Variants in SPTLC3 observed in about 807,000 individuals in gnomAD.
The protein encoded by SPTLC3 is serine palmitoyltransferase long chain base subunit 3.
In SPTLC3, 36 loss-of-function variants were observed where a neutral mutation model predicts 59.3. The observed-to-expected ratio is 0.61, with a 90% confidence interval of 0.47 to 0.80. The LOEUF is 0.80. Among genes scored for constraint, SPTLC3 ranks in the 30% least tolerant of loss-of-function variants. The probability of loss-of-function intolerance (pLI) is 0.00; values close to 1 mark genes in which losing one functional copy is unlikely to be tolerated. For missense variants in SPTLC3, 625 were observed against 685.1 expected (o/e 0.91, Z 0.98); for synonymous variants, 257 against 240.8 (o/e 1.07, Z -0.62).
At position 13,128,380 on chromosome 20, in the gene SPTLC3, T is replaced by A. The variant is rs116687764; in HGVS notation, c.1279+1663T>A. Among the ~76,000 whole-genome samples the A allele has an allele frequency of 7.3e-5, 11 of 149,806 alleles. 1 individual carries two copies. The highest frequency in any genetic ancestry group is 2.0e-4 in the Admixed American group (3 of 15,146). The stretch of plus-strand genomic sequence containing the variant: ...TCAGTGGCTTAACAGAACCAAGGTA[T>A]TTCTTGTTTGCATCACATCTAATAC... On this transcript the variant is annotated intron_variant, in intron 9 of 11. Transcript: ENST00000399002.
At chr20:13,150,658 A>G (rs2038621397) in intron 9 of SPTLC3, among the ~76,000 whole-genome samples, 1 of 152,062 alleles carries the variant, frequency 6.6e-6, no homozygotes, top group Non-Finnish European at 1.5e-5. Context: ...TACTCCTTCC[A>G]ATCATTAAAT....
At chr20:13,074,323 G>A in intron 3 of SPTLC3, 26 bp from the exon 4 acceptor site, 2 of 1,611,238 alleles carry the variant, frequency 1.2e-6, no homozygotes, top group South Asian at 2.2e-5. Flanking sequence ...AGGGGATTAT[G>A]TGCTCATTTA....
chr20:13,074,249 C>G lies in SPTLC3; in HGVS notation c.459-100C>G, dbSNP rs780954685. ...GCCATCTCCTTGGTCACCTCATCCT[C>G]TTTTTCTTCATAGGAACCCAAGTCT... is the stretch of plus-strand genomic sequence containing the variant. On this transcript the variant is annotated intron_variant, in intron 3 of 11. Coordinates refer to ENST00000399002, the MANE Select transcript of SPTLC3 (RefSeq NM_018327.4). 207 of 1,494,570 alleles carry G rather than the reference C, an allele frequency of 1.4e-4. 1 individual carries two copies. The highest frequency in any genetic ancestry group is 1.9e-4 in the Non-Finnish European group (204 of 1,089,734). 92.6% of individuals were successfully genotyped at this position (1,494,570 alleles called of 1,614,324 possible).
intron 9 of SPTLC3, among the ~76,000 whole-genome samples, chr20:13,129,073 G>A (rs1347993517): frequency 6.6e-6 from 1 of 151,752 alleles, no homozygotes; most frequent in Non-Finnish European, 1.5e-5. Flanking sequence ...ATGGGGTCTC[G>A]CCAGATTGGT....
intron 1 of SPTLC3, among the ~76,000 whole-genome samples, chr20:13,017,257 G>A (rs1985575799): frequency 6.6e-6 from 1 of 152,072 alleles, no homozygotes; most frequent in Non-Finnish European, 1.5e-5. Context: ...CTTTCAATAG[G>A]CAATGTTATT....
chr20:13,161,729 G>C (rs750761536), intron 11 of SPTLC3, among the ~76,000 whole-genome samples: 1 of 152,140 alleles, frequency 6.6e-6, no homozygotes, highest in South Asian at 2.1e-4. Context: ...GTTCCATAGA[G>C]TAGGCATTTT....
intron 6 of SPTLC3, among the ~76,000 whole-genome samples, chr20:13,103,693 G>A (rs939496163): frequency 6.6e-6 from 1 of 152,196 alleles, no homozygotes; most frequent in African/African-American, 2.4e-5. Flanking sequence ...TCGCATTCCT[G>A]GATCCATAGG....
intron 9 of SPTLC3, among the ~76,000 whole-genome samples, chr20:13,153,633 G>A (rs983075613): frequency 6.6e-6 from 1 of 152,046 alleles, no homozygotes; most frequent in African/African-American, 2.4e-5. Flanking sequence ...GGGGGGTGGG[G>A]GAAGTGGTTA....
chr20:13,145,958 A>G (rs563343752), intron 9 of SPTLC3, among the ~76,000 whole-genome samples: 20 of 152,370 alleles, frequency 1.3e-4, no homozygotes, highest in African/African-American at 4.8e-4. Context: ...TAATTCTGCC[A>G]TAAAGCCACA....
At chr20:13,131,001 C>T (rs946644470) in intron 9 of SPTLC3, among the ~76,000 whole-genome samples, 29 of 152,096 alleles carry the variant, frequency 1.9e-4, no homozygotes, top group African/African-American at 5.8e-4. Context: ...GTTGTGGCAG[C>T]GGAAGGGATC....
chr20:13,120,159 TCTA>T (rs1478789562), intron 8 of SPTLC3, among the ~76,000 whole-genome samples: 1 of 152,216 alleles, frequency 6.6e-6, no homozygotes, highest in Non-Finnish European at 1.5e-5. Context: ...AAAAACTACT[TCTA>T]CTAGTATGTT....
At chr20:13,075,325 G>A (rs1034704387) in intron 4 of SPTLC3, among the ~76,000 whole-genome samples, 2 of 152,152 alleles carry the variant, frequency 1.3e-5, no homozygotes, top group Non-Finnish European at 1.5e-5. Flanking sequence ...GGTTCACCAG[G>A]TCAGTTAGGT....
At chr20:13,061,521 C>G (rs1987974330) in intron 2 of SPTLC3, among the ~76,000 whole-genome samples, 2 of 152,126 alleles carry the variant, frequency 1.3e-5, no homozygotes, top group African/African-American at 4.8e-5. Flanking sequence ...AGTCATTCAG[C>G]CTTGACACAT....
At chr20:13,024,922 T>C (rs2122403870) in intron 1 of SPTLC3, among the ~76,000 whole-genome samples, 1 of 152,306 alleles carries the variant, frequency 6.6e-6, no homozygotes, top group East Asian at 1.9e-4. Flanking sequence ...CTTGAACACA[T>C]GAAGAAAGCA....
intron 9 of SPTLC3, among the ~76,000 whole-genome samples, chr20:13,144,873 C>T (rs998019320): frequency 6.6e-5 from 10 of 152,164 alleles, no homozygotes; most frequent in Non-Finnish European, 1.2e-4. Flanking sequence ...CTCCCAGGTT[C>T]ACACCATTCT....
intron 1 of SPTLC3, among the ~76,000 whole-genome samples, chr20:13,037,601 T>A (rs1235538885): frequency 1.3e-5 from 2 of 152,190 alleles, no homozygotes; most frequent in Non-Finnish European, 2.9e-5. Flanking sequence ...TGCTCCTATA[T>A]AACTATGAAT....
intron 4 of SPTLC3, among the ~76,000 whole-genome samples, chr20:13,082,850 C>T (rs941436239): frequency 4.6e-5 from 7 of 152,152 alleles, no homozygotes; most frequent in Admixed American, 6.5e-5. Context: ...TCATTGACAT[C>T]GGCACCTGTG....
At chr20:13,151,587 AT>A (rs1037736430) in intron 9 of SPTLC3, among the ~76,000 whole-genome samples, 2 of 152,208 alleles carry the variant, frequency 1.3e-5, no homozygotes, top group Non-Finnish European at 2.9e-5. Flanking sequence ...CAATTGGGGC[AT>A]TTAGCATCCT....
intron 9 of SPTLC3, among the ~76,000 whole-genome samples, chr20:13,140,441 A>G (rs1321283604): frequency 6.6e-6 from 1 of 152,230 alleles, no homozygotes; most frequent in African/African-American, 2.4e-5. Context: ...TAAGGTAACC[A>G]GGCACGAGAC....
Sources: gnomAD v4.1 joint callset for allele counts (sites outside exome capture counted in the v4.1 genomes callset) on GRCh38, gnomAD v4.1.1 for gene constraint, MANE v1.5 for transcripts, NCBI Gene and HGNC (gene_info 2026-07-23, HGNC 2026-07-21) for gene names.